ADAMTS12: variants seen among roughly 807,000 people sequenced by gnomAD.
ADAMTS12 encodes ADAM metallopeptidase with thrombospondin type 1 motif 12, also known as A disintegrin and metalloproteinase with thrombospondin motifs 12.
In ADAMTS12, 118 loss-of-function variants were observed where a neutral mutation model predicts 167.8. The observed-to-expected ratio is 0.70, with a 90% CI of 0.61 to 0.82. ADAMTS12 has a LOEUF of 0.82. Ranked by LOEUF, ADAMTS12 falls within the 40% of genes least tolerant of loss-of-function variation. The pLI, the probability that ADAMTS12 is intolerant of heterozygous loss-of-function variation, is 0.00. For synonymous variants in ADAMTS12, 704 were observed against 716.9 expected (o/e 0.98, Z 0.29); for missense variants, 1,916 against 1,998.8 (o/e 0.96, Z 0.79).
Position 33,576,244 on chromosome 5 carries a change from C to T in ADAMTS12, c.3782G>A (p.Gly1261Glu). The change falls in exon 19 of 24, where the codon GGA (glycine) becomes GAA (glutamate). Residue 1261 changes from glycine (G) to glutamate (E), a missense_variant. By Grantham distance (98) the Gly-to-Glu change is moderately conservative. Coordinates refer to ENST00000504830, the MANE Select transcript of ADAMTS12 (RefSeq NM_030955.4). The stretch of plus-strand genomic sequence containing the variant: ...CAGGTGGTTACGGTTTGCCGTCTTT[C>T]CTGAGGGTTCTGGCTGGTGGTCTCC... ...LGGDHQPEPS[G>E]KTANRNHLKL... is the part of the protein sequence containing the mutation. 6.2e-7 allele frequency: 1 copy of T among 1,614,164 alleles called. No individual in the cohort carries two copies. The highest frequency in any genetic ancestry group is 8.5e-7 in the Non-Finnish European group (1 of 1,180,020).
At chr5:33,819,197 T>C (rs1489041293) in intron 2 of ADAMTS12, among the ~76,000 whole-genome samples, 2 of 152,190 alleles carry the variant, frequency 1.3e-5, no homozygotes. Flanking sequence ...CCTTATGTTA[T>C]CTTCCATGAG....
chr5:33,653,593 C>T (rs1740942093), intron 7 of ADAMTS12, among the ~76,000 whole-genome samples: 1 of 152,080 alleles, frequency 6.6e-6, no homozygotes, highest in African/African-American at 2.4e-5. Flanking sequence ...TGGTTGTCGA[C>T]AGGTCTTTTC....
At chr5:33,671,860 A>T (rs527580716) in intron 5 of ADAMTS12, among the ~76,000 whole-genome samples, 2 of 151,262 alleles carry the variant, frequency 1.3e-5, no homozygotes, top group South Asian at 4.2e-4. Context: ...ACACACCCCC[A>T]CATACACACA....
intron 5 of ADAMTS12, among the ~76,000 whole-genome samples, chr5:33,675,696 T>C (rs1234295724): frequency 6.6e-6 from 1 of 152,230 alleles, no homozygotes; most frequent in Non-Finnish European, 1.5e-5. Context: ...CTATTAAATG[T>C]CACAGCTCTT....
At chr5:33,705,345 C>T (rs1000711758) in intron 3 of ADAMTS12, among the ~76,000 whole-genome samples, 5 of 149,504 alleles carry the variant, frequency 3.3e-5, no homozygotes, top group African/African-American at 1.2e-4. Flanking sequence ...GGGCTGGTTC[C>T]ATACCTTTGC....
chr5:33,614,140 C>G lies in ADAMTS12; in HGVS notation c.2527+98G>C, dbSNP rs192168929. On this transcript the variant is annotated intron_variant, in intron 16 of 23. Coordinates refer to ENST00000504830, the MANE Select transcript of ADAMTS12 (RefSeq NM_030955.4). The stretch of plus-strand genomic sequence containing the variant: ...GCCATCTCAGTGGAGCCCTGCAGAT[C>G]CATGGGCAGAGAGCACAAAGCAAAT... 362 of 1,465,888 alleles carry G rather than the reference C, an allele frequency of 2.5e-4. 1 individual carries two copies. The African/African-American group carries it at 4.5e-3, about 18-fold the overall frequency. The allele number at this position is 1,465,888 out of a possible 1,614,324, so 90.8% of individuals were successfully genotyped here. A position where few individuals can be genotyped will look rare whatever the true frequency, so the allele number is the denominator to read the frequency against.
At chr5:33,778,257 C>T (rs545593223) in intron 2 of ADAMTS12, among the ~76,000 whole-genome samples, 1 of 152,224 alleles carries the variant, frequency 6.6e-6, no homozygotes, top group South Asian at 2.1e-4. Context: ...AAAACATTAC[C>T]TGATTTCAAA....
Position 33,637,698 on chromosome 5 carries a change from G to A in ADAMTS12, c.1767C>T (p.Arg589=). The A allele has an allele frequency of 6.2e-7, 1 of 1,613,696 alleles. No individual in the cohort carries two copies. The highest frequency in any genetic ancestry group is 8.5e-7 in the Non-Finnish European group (1 of 1,179,704). Residue 589 remains arginine (R), a synonymous_variant, in exon 12 of 24, where the codon CGC becomes CGT. Transcript: ENST00000504830. ...KYCTGERKRY[R]LCNVHPCRSE... is the part of the protein sequence containing the mutation. The stretch of plus-strand genomic sequence containing the variant: ...AGCGACAGGGGTGGACGTTGCACAA[G>A]CGATAGCGTTTTCTTTCTCCAGTGC...
chr5:33,622,507 A>G lies in ADAMTS12; in HGVS notation c.2143+1724T>C, dbSNP rs570684648. Among the ~76,000 whole-genome samples, 87 of 152,250 alleles carry G rather than the reference A, an allele frequency of 5.7e-4. 1 individual carries two copies. Among genetic ancestry groups the G allele is most frequent in the Middle Eastern group, 6.8e-3 (2 of 292 alleles). ...CGTCTCTACTAAAAATACAAAAATT[A>G]TCTGGGTGTGCTGGCGTGCACCTGT... On this transcript the variant is annotated intron_variant, in intron 14 of 23. Coordinates refer to ENST00000504830, the MANE Select transcript of ADAMTS12 (RefSeq NM_030955.4).
At chr5:33,697,465 C>A (rs527357452) in intron 3 of ADAMTS12, among the ~76,000 whole-genome samples, 1 of 152,188 alleles carries the variant, frequency 6.6e-6, no homozygotes, top group South Asian at 2.1e-4. Flanking sequence ...CATTAAGGGA[C>A]TCATTATCTA....
intron 16 of ADAMTS12, among the ~76,000 whole-genome samples, chr5:33,602,497 G>T (rs1403341482): frequency 6.6e-6 from 1 of 152,138 alleles, no homozygotes; most frequent in Non-Finnish European, 1.5e-5. Flanking sequence ...CATTATGACA[G>T]ATCAATATCT....
At chr5:33,717,495 G>A (rs1023527996) in intron 3 of ADAMTS12, among the ~76,000 whole-genome samples, 1 of 152,112 alleles carries the variant, frequency 6.6e-6, no homozygotes, top group African/African-American at 2.4e-5. Context: ...TTTTACAGAC[G>A]AGGGAAGTTA....
chr5:33,814,325 C>T (rs1241829753), intron 2 of ADAMTS12, among the ~76,000 whole-genome samples: 1 of 152,110 alleles, frequency 6.6e-6, no homozygotes, highest in Non-Finnish European at 1.5e-5. Context: ...TCTAATTCAC[C>T]ATTGCAATTA....
chr5:33,684,617 A>G (rs1411427674), intron 3 of ADAMTS12, among the ~76,000 whole-genome samples: 1 of 152,240 alleles, frequency 6.6e-6, no homozygotes, highest in African/African-American at 2.4e-5. Context: ...GTAAACATGT[A>G]TAAAACTGTA....
intron 2 of ADAMTS12, among the ~76,000 whole-genome samples, chr5:33,845,335 A>AG (rs1404398015): frequency 3.9e-5 from 6 of 152,220 alleles, no homozygotes; most frequent in Non-Finnish European, 8.8e-5. Flanking sequence ...ACCCTAGAAC[A>AG]TCTTATTGTC....
chr5:33,598,147 A>G (rs1249592704), intron 16 of ADAMTS12, among the ~76,000 whole-genome samples: 1 of 152,206 alleles, frequency 6.6e-6, no homozygotes, highest in East Asian at 1.9e-4. Flanking sequence ...ACTATGTGTC[A>G]GAGTTTCTCC....
intron 2 of ADAMTS12, among the ~76,000 whole-genome samples, chr5:33,875,902 G>A (rs908416553): frequency 2.6e-5 from 4 of 152,048 alleles, no homozygotes; most frequent in Non-Finnish European, 5.9e-5. Flanking sequence ...TGTATACATA[G>A]GAAATCCCAA....
intron 2 of ADAMTS12, among the ~76,000 whole-genome samples, chr5:33,798,385 G>C (rs554224980): frequency 6.8e-6 from 1 of 147,918 alleles, no homozygotes; most frequent in East Asian, 2.0e-4. Context: ...CCTTGTCTCT[G>C]TGTCCTCACA....
intron 2 of ADAMTS12, among the ~76,000 whole-genome samples, chr5:33,812,053 A>C (rs1472956676): frequency 6.6e-6 from 1 of 152,202 alleles, no homozygotes; most frequent in African/African-American, 2.4e-5. Context: ...TGGGAGGCCA[A>C]GGCAGGTGGA....
Sources: gnomAD v4.1 joint callset for allele counts (sites outside exome capture counted in the v4.1 genomes callset) on GRCh38, gnomAD v4.1.1 for gene constraint, MANE v1.5 for transcripts, NCBI Gene and HGNC (gene_info 2026-07-23, HGNC 2026-07-21) for gene names.